VIPR2: variants seen among roughly 807,000 people sequenced by gnomAD.
VIPR2 encodes vasoactive intestinal peptide receptor 2.
In VIPR2, 48 loss-of-function variants were observed where a neutral mutation model predicts 58.0. The observed-to-expected ratio is 0.83, with a 90% CI of 0.66 to 1.05. The LOEUF is 1.05. Among genes scored for constraint, VIPR2 ranks in the 50% least tolerant of loss-of-function variants. The probability of loss-of-function intolerance (pLI) is 0.00; values close to 1 mark genes in which losing one functional copy is unlikely to be tolerated. For synonymous variants in VIPR2, 243 were observed against 235.2 expected, an observed-to-expected ratio of 1.03 and a Z score of -0.30; for missense variants, 534 against 558.0, an observed-to-expected ratio of 0.96 and a Z score of 0.43.
At position 159,099,157 on chromosome 7, in the gene VIPR2, A is replaced by T. The variant is rs1858054160; in HGVS notation, c.357+4600T>A. Among the ~76,000 whole-genome samples, 1 of 152,258 alleles carries T rather than the reference A, an allele frequency of 6.6e-6. No individual in the cohort carries two copies. The highest frequency in any genetic ancestry group is 1.5e-5 in the Non-Finnish European group (1 of 68,040). On this transcript the variant is annotated intron_variant, in intron 4 of 12. Coordinates refer to ENST00000262178, the MANE Select transcript of VIPR2 (RefSeq NM_003382.5). This position sits in a 1 kb window ranked among gnomAD's most constrained non-coding sequence, Gnocchi z 4.2. Reference sequence around the variant, plus strand: ...AAATTATTCATTTTGGTTTTGTGCCATCCTTTTCTTTGCTTTCTCACTTTA... The same window carrying T: ...AAATTATTCATTTTGGTTTTGTGCCTTCCTTTTCTTTGCTTTCTCACTTTA...
intron 5 of VIPR2, among the ~76,000 whole-genome samples, chr7:159,050,948 C>T (rs778526235): frequency 4.6e-5 from 7 of 152,196 alleles, no homozygotes; most frequent in Non-Finnish European, 8.8e-5. Context: ...GAGGTCACGA[C>T]GTACATCTTT....
chr7:159,032,404 T>C (rs533215057), intron 10 of VIPR2, among the ~76,000 whole-genome samples: 1 of 152,260 alleles, frequency 6.6e-6, no homozygotes, highest in East Asian at 1.9e-4. Context: ...AGGCCCCGCC[T>C]GGGAGCCCGG....
intron 4 of VIPR2, among the ~76,000 whole-genome samples, chr7:159,065,337 G>A (rs1298528501): frequency 6.6e-6 from 1 of 152,154 alleles, no homozygotes; most frequent in East Asian, 1.9e-4. Context: ...ACGGGGGCAG[G>A]AGGGCGGCCA....
Position 159,101,095 on chromosome 7 carries a change from C to T in VIPR2, c.357+2662G>A, listed in dbSNP as rs527885753. On this transcript the variant is annotated intron_variant, in intron 4 of 12. Transcript: ENST00000262178. ...TTCCTGTGGTAGTGAACGGGTCTCA[C>T]GAGATCCGACGAGGCGGTTCCGACT... 6.9e-5 allele frequency among the ~76,000 whole-genome samples: 10 copies of T among 144,318 alleles called. No individual in the cohort carries two copies. In the South Asian group the frequency reaches 1.8e-3, roughly 26 times the overall value. The allele number at this position is 144,318 out of a possible 152,430, so 94.7% of individuals were successfully genotyped here.
Position 159,034,300 on chromosome 7 carries a change from T to C in VIPR2, c.884A>G (p.Asn295Ser), listed in dbSNP as rs1853780782. 2 of 1,613,618 alleles carry C rather than the reference T, an allele frequency of 1.2e-6. No individual in the cohort carries two copies. The highest frequency in any genetic ancestry group is 1.7e-5 in the Admixed American group (1 of 60,000). ...RIPILISIIVNFVLFISIIRI... is the reference protein window; with the variant it reads ...RIPILISIIVSFVLFISIIRI... The stretch of plus-strand genomic sequence containing the variant: ...TATAATACTAATGAAAAGGACAAAA[T>C]TGACCTGCACAAGAGATAATAAGTT... The change falls in exon 10 of 13, where the codon AAT becomes AGT. Residue 295 changes from asparagine to serine, a missense_variant. By Grantham distance (46) the Asn-to-Ser change is conservative (BLOSUM62 1). Coordinates refer to ENST00000262178, the MANE Select transcript of VIPR2 (RefSeq NM_003382.5).
At chr7:159,101,534 G>A (rs561284186) in intron 4 of VIPR2, among the ~76,000 whole-genome samples, 2 of 132,362 alleles carry the variant, frequency 1.5e-5, no homozygotes, top group Admixed American at 7.5e-5. Flanking sequence ...CACGAGATCC[G>A]ACGAGGCGGT....
intron 6 of VIPR2, among the ~76,000 whole-genome samples, chr7:159,037,637 A>G (rs556439152): frequency 6.6e-6 from 1 of 152,320 alleles, no homozygotes; most frequent in Admixed American, 6.5e-5. Flanking sequence ...AATCTAGCAA[A>G]TAAAATATTT....
chr7:159,103,511 T>C (rs1413673587), intron 4 of VIPR2, among the ~76,000 whole-genome samples: 1 of 152,060 alleles, frequency 6.6e-6, no homozygotes, highest in Non-Finnish European at 1.5e-5. Flanking sequence ...CCCAGACACA[T>C]ACACAGCAGG....
At chr7:159,091,253 A>G (rs1857486572) in intron 4 of VIPR2, among the ~76,000 whole-genome samples, 1 of 152,262 alleles carries the variant, frequency 6.6e-6, no homozygotes, top group Non-Finnish European at 1.5e-5. Flanking sequence ...GAAGCAGAAG[A>G]TAAGCGCTGA....
In VIPR2 at chr7:159,029,136, G is replaced by C. The variant is rs561281797; in HGVS notation, c.*1480C>G. On this transcript the variant is annotated 3_prime_UTR_variant, in exon 13 of 13. Transcript: ENST00000262178. Reference sequence around the variant, plus strand: ...GGCTGCCTCCCGGCACAGCTGTCCCGACCTTTGACATCGCGCCCCAGCTGG... The same window carrying C: ...GGCTGCCTCCCGGCACAGCTGTCCCCACCTTTGACATCGCGCCCCAGCTGG... 1.3e-5 allele frequency: 2 copies of C among 152,224 alleles called. No homozygotes were observed. Among genetic ancestry groups the C allele is most frequent in the Non-Finnish European group, 2.9e-5 (2 of 68,058 alleles). The allele number at this position is 152,224 out of a possible 1,614,324, so 9.4% of individuals were successfully genotyped here. A position where few individuals can be genotyped will look rare whatever the true frequency, so the allele number is the denominator to read the frequency against.
intron 4 of VIPR2, among the ~76,000 whole-genome samples, chr7:159,090,539 C>T: frequency 9.5e-6 from 1 of 105,484 alleles, no homozygotes; most frequent in Non-Finnish European, 1.8e-5. Flanking sequence ...TCAGCACAGA[C>T]ACGCTGGGAC....
At chr7:159,065,286 C>T (rs1468446062) in intron 4 of VIPR2, among the ~76,000 whole-genome samples, 1 of 152,218 alleles carries the variant, frequency 6.6e-6, no homozygotes, top group African/African-American at 2.4e-5. Flanking sequence ...TCCCTCCCTC[C>T]CCTCCCCTGC....
At chr7:159,062,387 G>C (rs1003837441) in intron 4 of VIPR2, among the ~76,000 whole-genome samples, 3 of 152,178 alleles carry the variant, frequency 2.0e-5, no homozygotes, top group African/African-American at 7.2e-5. Context: ...TAAAGGTAAT[G>C]TGTCCCCAGT....
At chr7:159,054,607 G>A (rs985780555) in intron 5 of VIPR2, among the ~76,000 whole-genome samples, 3 of 152,138 alleles carry the variant, frequency 2.0e-5, no homozygotes, top group African/African-American at 7.2e-5. Flanking sequence ...TTAAAACACC[G>A]TTCTATGTTA....
chr7:159,064,245 G>C (rs1855949511), intron 4 of VIPR2, among the ~76,000 whole-genome samples: 1 of 152,062 alleles, frequency 6.6e-6, no homozygotes, highest in South Asian at 2.1e-4. Flanking sequence ...CATTTCACGG[G>C]AGCCCCGGTC....
At chr7:159,144,193 A>G in intron 1 of VIPR2, 1 of 1,138,688 alleles carries the variant, frequency 8.8e-7, no homozygotes, top group Non-Finnish European at 1.1e-6. Flanking sequence ...TTAATCAACA[A>G]ACTTATGAGC....
intron 4 of VIPR2, among the ~76,000 whole-genome samples, chr7:159,067,736 C>T (rs6961595): frequency 0.013 from 2,011 of 152,320 alleles, 41 homozygotes; most frequent in African/African-American, 0.045. Context: ...AAGTTAATTC[C>T]AGCACTGATG....
Position 159,030,613 on chromosome 7 carries a change from G to T in VIPR2, c.*3C>A. 6.5e-7 allele frequency: 1 copy of T among 1,537,162 alleles called. No individual in the cohort carries two copies. The highest frequency in any genetic ancestry group is 8.8e-7 in the Non-Finnish European group (1 of 1,140,060). On this transcript the variant is annotated 3_prime_UTR_variant, in exon 13 of 13. Coordinates refer to ENST00000262178, the MANE Select transcript of VIPR2 (RefSeq NM_003382.5). The stretch of plus-strand genomic sequence containing the variant: ...CCGCCGCGTCCGACAGGCAGGGGTG[G>T]GGCTAGATGACCGAGGTCTCCGTTT...
At chr7:159,132,948 T>C (rs2540358) in intron 2 of VIPR2, among the ~76,000 whole-genome samples, 138 of 124,588 alleles carry the variant, frequency 1.1e-3, no homozygotes, top group African/African-American at 2.9e-3. Context: ...GGCATACAGA[T>C]TGATTTCAGA....
Sources: allele counts gnomAD v4.1 joint callset (sites outside exome capture counted in the v4.1 genomes callset), GRCh38; gene constraint gnomAD v4.1.1; non-coding constraint Gnocchi (gnomAD v3.1); transcripts MANE v1.5; gene names NCBI Gene and HGNC (gene_info 2026-07-23, HGNC 2026-07-21).